FBXO47: variants seen among roughly 807,000 people sequenced by gnomAD.
The protein encoded by FBXO47 is F-box only protein 47.
FBXO47 carries 34 observed loss-of-function variants against 53.9 expected under a neutral mutation model. That is an observed-to-expected ratio of 0.63 (90% confidence interval 0.48 to 0.84). FBXO47 has a LOEUF of 0.84. FBXO47 is among the 40% of genes least tolerant of loss of function. The pLI is 0.00. For missense variants in FBXO47, 485 were observed against 541.3 expected (o/e 0.90, Z 1.03); for synonymous variants, 165 against 181.6 (o/e 0.91, Z 0.73).
At chr17:38,939,888 C>A (rs1405177740) in intron 9 of FBXO47, among the ~76,000 whole-genome samples, 1 of 150,940 alleles carries the variant, frequency 6.6e-6, no homozygotes, top group African/African-American at 2.5e-5. Flanking sequence ...AGGATGGTCT[C>A]AATCTCCTGA....
chr17:38,963,461 ACCAC>A (rs1905922093), intron 1 of FBXO47, among the ~76,000 whole-genome samples: 1 of 151,968 alleles, frequency 6.6e-6, no homozygotes, highest in Non-Finnish European at 1.5e-5. Flanking sequence ...ACAGGCATGA[ACCAC>A]TGAACCTGGC....
intron 7 of FBXO47, among the ~76,000 whole-genome samples, chr17:38,944,428 C>G (rs567024181): frequency 6.6e-6 from 1 of 151,550 alleles, no homozygotes; most frequent in Non-Finnish European, 1.5e-5. Flanking sequence ...ACTGGCCAGG[C>G]GCGGTGGCTC....
In FBXO47 at chr17:38,937,232, C is replaced by T. The variant is rs377475065; in HGVS notation, c.1302G>A (p.Gln434=). The change falls in exon 11 of 11, where the codon CAG becomes CAA. Residue 434 remains glutamine (Q), a synonymous_variant. Coordinates refer to ENST00000378079, the MANE Select transcript of FBXO47 (RefSeq NM_001008777.3). ...FLNLFHLVHA[Q]ANFHKEVLYL... is the part of the protein sequence containing the mutation. ...ACAGGACCTCCTTATGGAAGTTAGC[C>T]TGAGCATGTACAAGATGGAACAAAT... 2.5e-6 allele frequency: 4 copies of T among 1,611,220 alleles called. No homozygotes were observed. Among genetic ancestry groups the T allele is most frequent in the African/African-American group, 1.3e-5 (1 of 74,886 alleles).
chr17:38,955,071 A>T (rs1302514034), intron 4 of FBXO47, 138 bp from the exon 5 acceptor site: 2 of 609,394 alleles, frequency 3.3e-6, no homozygotes, highest in Admixed American at 3.3e-5. Flanking sequence ...CATTGGTTAC[A>T]TAGGTGGGGA....
At position 38,962,073 on chromosome 17, in the gene FBXO47, T is replaced by C. The variant is rs372556757; in HGVS notation, c.182-26A>G. Reference sequence around the variant, plus strand: ...CTACCAAAAGAAATATATATGTGTATGTATCAATGGCTTAAATGCAAGAAC... The same window carrying C: ...CTACCAAAAGAAATATATATGTGTACGTATCAATGGCTTAAATGCAAGAAC... On this transcript the variant is annotated intron_variant, in intron 2 of 10. Transcript: ENST00000378079. The C allele has an allele frequency of 1.8e-5, 28 of 1,584,724 alleles. No homozygotes were observed. The African/African-American group carries it at 3.4e-4, about 19-fold the overall frequency.
chr17:38,965,163 ATTAT>A (rs1289196894), intron 1 of FBXO47, among the ~76,000 whole-genome samples: 2 of 152,212 alleles, frequency 1.3e-5, no homozygotes. Flanking sequence ...ACACTAAATA[ATTAT>A]TTAAACATGT....
Position 38,943,600 on chromosome 17 carries a change from A to G in FBXO47, c.930T>C (p.Asp310=). The G allele has an allele frequency of 6.4e-7, 1 of 1,562,796 alleles. No individual in the cohort carries two copies. Among genetic ancestry groups the G allele is most frequent in the Non-Finnish European group, 8.6e-7 (1 of 1,160,282 alleles). ...AAATATATTTTTTACCTGATAGTTC[A>G]TCTACAAGACTGATAACATCATCTG... ...WTADDVISLV[D]ELSVVPREWL... The change falls in exon 8 of 11, where the codon GAT becomes GAC. Residue 310 remains aspartate (D), a synonymous_variant. Transcript: ENST00000378079.
chr17:38,957,141 T>A, intron 4 of FBXO47, 36 bp downstream of exon 4: 1 of 1,319,180 alleles, frequency 7.6e-7, no homozygotes. Context: ...TTACTGGAAA[T>A]CAAGATTGTA....
chr17:38,963,113 T>C, intron 1 of FBXO47, 62 bp from the exon 2 acceptor site: 2 of 1,065,214 alleles, frequency 1.9e-6, no homozygotes. Flanking sequence ...AGAAAGAGAT[T>C]TTTTTTTTTA....
chr17:38,955,784 C>CCTGT (rs1489097256), intron 4 of FBXO47, among the ~76,000 whole-genome samples: 1 of 151,594 alleles, frequency 6.6e-6, no homozygotes, highest in African/African-American at 2.4e-5. Context: ...ATGGTGAAAC[C>CCTGT]CTGTCTCTAC....
chr17:38,957,400 G>C (rs1905606085), intron 3 of FBXO47, 147 bp from the exon 4 acceptor site: 1 of 583,624 alleles, frequency 1.7e-6, no homozygotes, highest in Admixed American at 2.8e-5. Flanking sequence ...AGTTTGGGAG[G>C]AAGGGTGCAA....
chr17:38,961,859 T>C lies in FBXO47; in HGVS notation c.352+18A>G. 1 of 1,600,178 alleles carries C rather than the reference T, an allele frequency of 6.2e-7. No individual in the cohort carries two copies. The highest frequency in any genetic ancestry group is 8.5e-7 in the Non-Finnish European group (1 of 1,174,742). ...AGCACAGTTCTTTACTTGTTGCAAT[T>C]CTCATTACATAAGTTACCTAGAGAT... On this transcript the variant is annotated intron_variant, in intron 3 of 10. Coordinates refer to ENST00000378079, the MANE Select transcript of FBXO47 (RefSeq NM_001008777.3).
At chr17:38,965,255 C>T (rs1042761285) in intron 1 of FBXO47, among the ~76,000 whole-genome samples, 9 of 152,306 alleles carry the variant, frequency 5.9e-5, no homozygotes, top group Admixed American at 3.9e-4. Context: ...TATACATATA[C>T]GCATAATTAC....
chr17:38,959,978 T>A (rs2143961455), intron 3 of FBXO47, among the ~76,000 whole-genome samples: 1 of 152,092 alleles, frequency 6.6e-6, no homozygotes, highest in East Asian at 2.0e-4. Flanking sequence ...GATAATTTTT[T>A]AATTTTTTGT....
At chr17:38,962,730 T>C in intron 2 of FBXO47, 115 bp downstream of exon 2, 1 of 623,130 alleles carries the variant, frequency 1.6e-6, no homozygotes, top group Non-Finnish European at 2.5e-6. Context: ...ACTTAAACAC[T>C]TAACATGAAT....
At chr17:38,961,360 G>T (rs979762454) in intron 3 of FBXO47, among the ~76,000 whole-genome samples, 2 of 152,180 alleles carry the variant, frequency 1.3e-5, no homozygotes, top group Non-Finnish European at 2.9e-5. Flanking sequence ...AGGCATAAAT[G>T]ATTACAAATT....
intron 1 of FBXO47, among the ~76,000 whole-genome samples, 181 bp downstream of exon 1, chr17:38,967,048 C>T (rs554827763): frequency 1.3e-5 from 2 of 151,938 alleles, no homozygotes; most frequent in Admixed American, 1.3e-4. Context: ...CTTGTAAGGG[C>T]CCCACCCCAT....
At chr17:38,945,406 T>C (rs1904709062) in intron 6 of FBXO47, among the ~76,000 whole-genome samples, 1 of 152,160 alleles carries the variant, frequency 6.6e-6, no homozygotes. Flanking sequence ...ACCAGACTCT[T>C]GTACAATTTT....
chr17:38,946,595 AATATATGAATATATATAACTATATAAAT>A (rs1555560826), intron 6 of FBXO47, among the ~76,000 whole-genome samples: 1 of 74,604 alleles, frequency 1.3e-5, no homozygotes, highest in Non-Finnish European at 2.2e-5. Context: ...TAACTATATA[AATATATGAATATATATAACTATATAAAT>A]ATATATGAAT....
Sources: gnomAD v4.1 joint callset for allele counts (sites outside exome capture counted in the v4.1 genomes callset) on GRCh38, gnomAD v4.1.1 for gene constraint, MANE v1.5 for transcripts, NCBI Gene and HGNC (gene_info 2026-07-23, HGNC 2026-07-21) for gene names.